CLCN6: variants seen among roughly 807,000 people sequenced by gnomAD.
CLCN6 encodes the protein H(+)/Cl(-) exchange transporter 6.
Under a neutral mutation model 109.8 loss-of-function variants are expected in CLCN6, and 70 were observed. That is an observed-to-expected ratio of 0.64 (90% confidence interval 0.53 to 0.78). CLCN6 has a LOEUF of 0.78. Among genes scored for constraint, CLCN6 ranks in the 30% least tolerant of loss-of-function variants. The probability of loss-of-function intolerance (pLI) is 0.00; values close to 1 mark genes in which losing one functional copy is unlikely to be tolerated. For missense variants in CLCN6, 984 were observed against 1,142.3 expected (o/e 0.86, Z 2.00); for synonymous variants, 444 against 447.8 (o/e 0.99, Z 0.11).
Position 11,834,072 on chromosome 1 carries a change from G to A in CLCN6, c.1526+42G>A. ...CGTGTGTGTGCGCATGTGCATGTGT[G>A]TGCACGTGTGCGTGTGTATGCATGT... On this transcript the variant is annotated intron_variant, in intron 15 of 22. Transcript: ENST00000346436. This position sits in a 1 kb window ranked among gnomAD's most constrained non-coding sequence, Gnocchi z 4.5. 1 of 1,605,448 alleles carries A rather than the reference G, an allele frequency of 6.2e-7. No individual in the cohort carries two copies. Among genetic ancestry groups the A allele is most frequent in the Non-Finnish European group, 8.5e-7 (1 of 1,175,334 alleles).
At position 11,829,366 on chromosome 1, in the gene CLCN6, A is replaced by G; in HGVS notation, c.1248+44A>G. 3 of 1,611,726 alleles carry G rather than the reference A, an allele frequency of 1.9e-6. No individual in the cohort carries two copies. The East Asian group carries it at 6.7e-5, about 36-fold the overall frequency. ...CTACCTTTATCCCATACCACGAGGA[A>G]GAATCCAGAAATGTATGACCTTCCT... On this transcript the variant is annotated intron_variant, in intron 13 of 22. Coordinates refer to ENST00000346436, the MANE Select transcript of CLCN6 (RefSeq NM_001286.5).
At chr1:11,819,333 T>C (rs926846124) in intron 4 of CLCN6, among the ~76,000 whole-genome samples, 155 bp from the exon 5 acceptor site, 6 of 152,222 alleles carry the variant, frequency 3.9e-5, no homozygotes, top group Admixed American at 1.3e-4. Context: ...CTCCTCCTTC[T>C]GCGCTTTTCT....
intron 12 of CLCN6, among the ~76,000 whole-genome samples, chr1:11,828,928 C>T (rs1644846982): frequency 6.6e-6 from 1 of 152,162 alleles, no homozygotes; most frequent in Admixed American, 6.5e-5. Flanking sequence ...GGCTTCTCGC[C>T]CCAGGACTTA....
intron 1 of CLCN6, chr1:11,806,860 C>T: frequency 2.3e-6 from 1 of 436,210 alleles, no homozygotes; most frequent in East Asian, 3.7e-5. Context: ...TTTTTACCCC[C>T]CTTTTCAGCT....
chr1:11,817,507 G>A (rs1644688980), intron 4 of CLCN6, among the ~76,000 whole-genome samples: 1 of 152,154 alleles, frequency 6.6e-6, no homozygotes, highest in African/African-American at 2.4e-5. Flanking sequence ...TCAAAGACAA[G>A]GCAAGATTGG....
intron 22 of CLCN6, 69 bp from the exon 23 acceptor site, chr1:11,840,074 C>A: frequency 7.9e-7 from 1 of 1,273,054 alleles, no homozygotes; most frequent in East Asian, 2.3e-5. Context: ...ACAGGGCCGG[C>A]TCCTGTCACT....
rs59015951 is a variant in CLCN6 at position 11,827,430 on chromosome 1, C to CTTTTTTTTTTTTTTTTTTTTTT, written c.840+211_840+232dup. On this transcript the variant is annotated intron_variant, in intron 10 of 22. Transcript: ENST00000346436. The stretch of plus-strand genomic sequence containing the variant: ...CTAACCCCAAATCAAACCGCTGTTA[C>CTTTTTTTTTTTTTTTTTTTTTT]TTTTTTTTTTTTTTTTTTTTTTTGA... 7.6e-5 allele frequency among the ~76,000 whole-genome samples: 8 copies of CTTTTTTTTTTTTTTTTTTTTTT among 105,026 alleles called. 1 individual carries two copies. The highest frequency in any genetic ancestry group is 1.3e-4 in the Non-Finnish European group (7 of 53,444). 68.9% of individuals were successfully genotyped at this position (105,026 alleles called of 152,430 possible).
chr1:11,812,204 ACTT>A (rs1644607675), intron 2 of CLCN6, among the ~76,000 whole-genome samples: 1 of 152,190 alleles, frequency 6.6e-6, no homozygotes. Context: ...AGTTTGGTTA[ACTT>A]GCTAGAGCGG....
At chr1:11,823,098 G>A (rs113396635) in intron 6 of CLCN6, among the ~76,000 whole-genome samples, 2 of 152,288 alleles carry the variant, frequency 1.3e-5, no homozygotes, top group African/African-American at 4.8e-5. Context: ...GATCATTCAT[G>A]TCCCAAACCT....
chr1:11,816,926 CA>C (rs1644680956), intron 4 of CLCN6, among the ~76,000 whole-genome samples: 1 of 151,564 alleles, frequency 6.6e-6, no homozygotes, highest in South Asian at 2.1e-4. Flanking sequence ...AAGCGAGACA[CA>C]TGACAATGGT....
intron 21 of CLCN6, 23 bp from the exon 22 acceptor site, chr1:11,838,512 A>G (rs1235908102): frequency 6.2e-7 from 1 of 1,606,752 alleles, no homozygotes. Flanking sequence ...TCAGGCAGTC[A>G]GTGACACGTG....
At chr1:11,820,287 TA>T (rs1644724535) in intron 5 of CLCN6, 64 of 685,012 alleles carry the variant, frequency 9.3e-5, no homozygotes, top group Admixed American at 1.7e-4. Flanking sequence ...GACCCTGTCT[TA>T]AAAAAAATGA....
At chr1:11,827,068 C>G in intron 9 of CLCN6, 21 bp from the exon 10 acceptor site, 1 of 1,611,660 alleles carries the variant, frequency 6.2e-7, no homozygotes, top group Non-Finnish European at 8.5e-7. Flanking sequence ...ATTGGATAAC[C>G]CGTCTCTCTC....
chr1:11,831,787 G>A (rs111859612), intron 13 of CLCN6, among the ~76,000 whole-genome samples: 17 of 152,190 alleles, frequency 1.1e-4, no homozygotes, highest in Admixed American at 2.6e-4. Context: ...GGGCTCAAGC[G>A]ATCCTCCCAT....
At chr1:11,827,344 T>C in intron 10 of CLCN6, 123 bp downstream of exon 10, 1 of 1,021,976 alleles carries the variant, frequency 9.8e-7, no homozygotes, top group Non-Finnish European at 1.4e-6. Flanking sequence ...AGAAACAGCT[T>C]TCCTCTTGTG....
chr1:11,826,733 G>A (rs116118769), intron 9 of CLCN6, among the ~76,000 whole-genome samples: 375 of 152,240 alleles, frequency 2.5e-3, no homozygotes, highest in African/African-American at 8.6e-3. Flanking sequence ...TACTGATGCC[G>A]GGGTTTTCTG....
rs777666280 is a variant in CLCN6, at chr1:11,834,442, G to T, written c.1687-42G>T. On this transcript the variant is annotated intron_variant, in intron 16 of 22. Transcript: ENST00000346436. This position sits in a 1 kb window ranked among gnomAD's most constrained non-coding sequence, Gnocchi z 4.5. ...CCCTGTCAGGCTCAGGGCCACGTCCGCCCCACAGGACCTATTTTTAGGTCT... is the reference window on the plus strand; with the variant it reads ...CCCTGTCAGGCTCAGGGCCACGTCCTCCCCACAGGACCTATTTTTAGGTCT... 3.7e-6 allele frequency: 6 copies of T among 1,613,054 alleles called. No homozygotes were observed. In the South Asian group the frequency reaches 5.5e-5, roughly 15 times the overall value.
rs566494776 is a variant in CLCN6 at position 11,816,073 on chromosome 1, C to T, written c.213+162C>T. On this transcript the variant is annotated intron_variant, in intron 3 of 22. Coordinates refer to ENST00000346436, the MANE Select transcript of CLCN6 (RefSeq NM_001286.5). ...TTATGCGCTTTGCTTTATTTCACCT[C>T]GCAGGTACTGCAGGTTTTACAAACT... 28 of 591,848 alleles carry T rather than the reference C, an allele frequency of 4.7e-5. No homozygotes were observed. In the South Asian group the frequency reaches 5.0e-4, roughly 10 times the overall value. 36.7% of individuals were successfully genotyped at this position (591,848 alleles called of 1,614,324 possible). A position where few individuals can be genotyped will look rare whatever the true frequency, so the allele number is the denominator to read the frequency against.
chr1:11,822,853 C>G (rs148738390), intron 6 of CLCN6, 52 bp downstream of exon 6: 1 of 1,113,740 alleles, frequency 9.0e-7, no homozygotes, highest in Admixed American at 1.7e-5. Context: ...GAGTCCCGCA[C>G]TCCTTTTCCC....
Sources: gnomAD v4.1 joint callset for allele counts (sites outside exome capture counted in the v4.1 genomes callset) on GRCh38, gnomAD v4.1.1 for gene constraint, Gnocchi (gnomAD v3.1) non-coding constraint, MANE v1.5 for transcripts, NCBI Gene and HGNC (gene_info 2026-07-23, HGNC 2026-07-21) for gene names.